COL28A1: variants seen among roughly 807,000 people sequenced by gnomAD.
COL28A1 encodes collagen alpha-1(XXVIII) chain.
A neutral mutation model predicts 150.2 loss-of-function variants in COL28A1; 161 were observed. That is an observed-to-expected ratio of 1.07 (90% CI 0.94 to 1.22). The LOEUF is 1.22. COL28A1 is among the 50% of genes most tolerant of loss of function. The pLI is 0.00. For missense variants in COL28A1, 1,617 were observed against 1,388.3 expected (o/e 1.16, Z -2.62); for synonymous variants, 552 against 469.7 (o/e 1.18, Z -2.26).
At chr7:7,369,816 T>A (rs1471640345) in intron 33 of COL28A1, among the ~76,000 whole-genome samples, 1 of 152,168 alleles carries the variant, frequency 6.6e-6, no homozygotes, top group East Asian at 1.9e-4. Context: ...CTGTTGCACA[T>A]GCTCATGATC....
Position 7,489,451 on chromosome 7 carries a change from T to C in COL28A1, c.1102A>G (p.Arg368Gly). 1.5e-6 allele frequency: 2 copies of C among 1,349,642 alleles called. No individual in the cohort carries two copies. The highest frequency in any genetic ancestry group is 1.2e-5 in the South Asian group (1 of 85,898). 83.6% of individuals were successfully genotyped at this position (1,349,642 alleles called of 1,614,324 possible). Reference sequence around the variant, plus strand: ...GCTCCCGGTCTTCCTTCTTGGCCTCTTTCTCCCTAAGAGAAAGAAATAATA... The same window carrying C: ...GCTCCCGGTCTTCCTTCTTGGCCTCCTTCTCCCTAAGAGAAAGAAATAATA... ...GIGQQGIKGE[R>G]GQEGRPGAPG... is the part of the protein sequence containing the mutation. Residue 368 changes from arginine (R) to glycine (G), a missense_variant, in exon 13 of 35, where the codon AGA becomes GGA. Arg to Gly is a moderately radical substitution (Grantham distance 125). Coordinates refer to ENST00000399429, the MANE Select transcript of COL28A1 (RefSeq NM_001037763.3).
At chr7:7,453,635 G>T (rs1270989222) in intron 16 of COL28A1, 127 bp from the exon 17 acceptor site, 1 of 622,840 alleles carries the variant, frequency 1.6e-6, no homozygotes, top group Admixed American at 3.3e-5. Context: ...GGAGTGGGGT[G>T]CCAGGGGCTG....
the COL28A1 span, among the ~76,000 whole-genome samples, chr7:7,350,456 G>A: frequency 6.6e-4 from 100 of 152,126 alleles, no homozygotes; most frequent in African/African-American, 2.4e-3. Context: ...ATTTGAAGAA[G>A]CACAATTTTA....
At chr7:7,536,859 T>C (rs1338064716), upstream of COL28A1, among the ~76,000 whole-genome samples, 1 of 152,196 alleles carries the variant, frequency 6.6e-6, no homozygotes, top group Non-Finnish European at 1.5e-5. Flanking sequence ...CCTCATTTAA[T>C]CCTTCACAAG....
In COL28A1 at chr7:7,417,887, G is replaced by A. The variant is rs1450980314; in HGVS notation, c.2108C>T (p.Pro703Leu). ...GQKGLPGPPG[P>L]PGYGSQGIKG... ...AATTCCCTGTGATCCATAGCCAGGG[G>A]GGCCAGGAGGGCCAGGCAAGCCTTT... The change falls in exon 27 of 35, where the codon CCC becomes CTC. Residue 703 changes from proline to leucine, a missense_variant. By Grantham distance (98) the Pro-to-Leu change is moderately conservative. Transcript: ENST00000399429. The A allele has an allele frequency of 1.2e-6, 2 of 1,613,176 alleles. No individual in the cohort carries two copies. Among genetic ancestry groups the A allele is most frequent in the Non-Finnish European group, 1.7e-6 (2 of 1,179,638 alleles).
At chr7:7,479,425 A>C (rs188928029) in intron 13 of COL28A1, among the ~76,000 whole-genome samples, 30 of 152,358 alleles carry the variant, frequency 2.0e-4, no homozygotes, top group African/African-American at 5.3e-4. Flanking sequence ...AATGCTAAAA[A>C]TCTGGAACTG....
At chr7:7,480,515 C>T (rs1789299071) in intron 13 of COL28A1, among the ~76,000 whole-genome samples, 1 of 151,970 alleles carries the variant, frequency 6.6e-6, no homozygotes, top group South Asian at 2.1e-4. Context: ...GCAAACTAAA[C>T]CAAAAGTGCC....
chr7:7,397,964 G>C (rs1276897377), intron 27 of COL28A1, among the ~76,000 whole-genome samples: 1 of 152,192 alleles, frequency 6.6e-6, no homozygotes, highest in African/African-American at 2.4e-5. Context: ...ATTTGCCTCA[G>C]AGTGTTCATT....
chr7:7,360,244 CAT>C, intron 34 of COL28A1, 144 bp downstream of exon 34: 1 of 717,208 alleles, frequency 1.4e-6, no homozygotes. Context: ...TGTTTAGAAT[CAT>C]AACATTTTCT....
chr7:7,452,848 C>G (rs1016818375), intron 17 of COL28A1, among the ~76,000 whole-genome samples: 4 of 152,186 alleles, frequency 2.6e-5, no homozygotes, highest in African/African-American at 9.7e-5. Context: ...CTCACACGGA[C>G]AGCTCTAGGG....
intron 18 of COL28A1, among the ~76,000 whole-genome samples, chr7:7,447,816 G>A (rs955549677): frequency 2.0e-4 from 30 of 152,004 alleles, no homozygotes; most frequent in African/African-American, 7.2e-4. Context: ...AAAAGAGACT[G>A]AAAAAGAATG....
intron 10 of COL28A1, among the ~76,000 whole-genome samples, chr7:7,506,344 C>T (rs867473017): frequency 1.4e-4 from 21 of 152,304 alleles, no homozygotes; most frequent in South Asian, 2.1e-4. Flanking sequence ...ACGTTCTTGA[C>T]TCCTTTTAAA....
intron 13 of COL28A1, among the ~76,000 whole-genome samples, chr7:7,485,738 G>A (rs1406287845): frequency 1.3e-5 from 2 of 152,086 alleles, no homozygotes; most frequent in African/African-American, 4.8e-5. Context: ...TCCTCTATTG[G>A]ATTGCTTTCA....
chr7:7,471,464 T>G (rs1480912681), intron 15 of COL28A1, among the ~76,000 whole-genome samples: 1 of 152,192 alleles, frequency 6.6e-6, no homozygotes, highest in South Asian at 2.1e-4. Context: ...TATGCTAAAA[T>G]CCTTAACAAA....
rs780729809 is a variant in COL28A1, at chr7:7,437,478, A to G, written c.1723-16T>C. The G allele has an allele frequency of 3.1e-6, 5 of 1,610,998 alleles. No individual in the cohort carries two copies. The highest frequency in any genetic ancestry group is 1.3e-5 in the African/African-American group (1 of 74,754). On this transcript the variant is annotated splice_polypyrimidine_tract_variant and intron_variant, in intron 21 of 34. Transcript: ENST00000399429. ...CCGGTTCACCCTTAAAAAGAGCAAAATGCTCACTACATTTCAAGCAGAGAA... is the reference window on the plus strand; with the variant it reads ...CCGGTTCACCCTTAAAAAGAGCAAAGTGCTCACTACATTTCAAGCAGAGAA...
chr7:7,542,619 G>C, the COL28A1 span, among the ~76,000 whole-genome samples: 1 of 152,240 alleles, frequency 6.6e-6, no homozygotes, highest in Non-Finnish European at 1.5e-5. Context: ...TGCAGGAGCA[G>C]AGGATAAACA....
At chr7:7,425,430 T>C (rs561612618) in intron 25 of COL28A1, among the ~76,000 whole-genome samples, 2 of 152,294 alleles carry the variant, frequency 1.3e-5, no homozygotes, top group African/African-American at 4.8e-5. Context: ...GAGAAGAACA[T>C]CCTGGATTAT....
At position 7,380,842 on chromosome 7, in the gene COL28A1, G is replaced by T. The variant is rs768576496; in HGVS notation, c.2226C>A (p.Gly742=). ...PGQKGEHGER[G]DVGKKGDKGE... ...CTTTATCACCTTTCTTTCCCACATC[G>T]CCCCGTTCTCCGTGCTCTCCCTTTA... is the stretch of plus-strand genomic sequence containing the variant. Residue 742 remains glycine (G), a synonymous_variant, in exon 29 of 35, where the codon GGC becomes GGA. Coordinates refer to ENST00000399429, the MANE Select transcript of COL28A1 (RefSeq NM_001037763.3). 1 of 1,613,422 alleles carries T rather than the reference G, an allele frequency of 6.2e-7. No homozygotes were observed. The highest frequency in any genetic ancestry group is 8.5e-7 in the Non-Finnish European group (1 of 1,179,608).
chr7:7,368,349 T>C (rs923117964), intron 33 of COL28A1, among the ~76,000 whole-genome samples: 1 of 151,706 alleles, frequency 6.6e-6, no homozygotes, highest in Non-Finnish European at 1.5e-5. Context: ...TTCAACTTTC[T>C]TGAAATGCCA....
Sources: gnomAD v4.1 joint callset for allele counts (sites outside exome capture counted in the v4.1 genomes callset) on GRCh38, gnomAD v4.1.1 for gene constraint, MANE v1.5 for transcripts, NCBI Gene and HGNC (gene_info 2026-07-23, HGNC 2026-07-21) for gene names.